Variants in RXFP1 observed in about 807,000 individuals in gnomAD.
RXFP1 encodes relaxin receptor 1.
Under a neutral mutation model 89.8 loss-of-function variants are expected in RXFP1, and 73 were observed. The ratio of observed to expected loss-of-function variants is 0.81; its 90% confidence interval spans 0.67 to 0.99. RXFP1 has a LOEUF of 0.99. Ranked by LOEUF, RXFP1 falls within the 50% of genes least tolerant of loss-of-function variation. The pLI is 0.00. For synonymous variants in RXFP1, 277 were observed against 305.5 expected, an observed-to-expected ratio of 0.91 and a Z score of 0.97; for missense variants, 793 against 895.5, an observed-to-expected ratio of 0.89 and a Z score of 1.46.
chr4:158,617,195 C>G lies in RXFP1; in HGVS notation c.745C>G (p.Leu249Val), dbSNP rs777826098. The G allele has an allele frequency of 6.2e-7, 1 of 1,606,670 alleles. No individual in the cohort carries two copies. Among genetic ancestry groups the G allele is most frequent in the South Asian group, 1.1e-5 (1 of 90,280 alleles). ...DKPLCQHMPRLHWLDLEGNHI... is the reference protein window; with the variant it reads ...DKPLCQHMPRVHWLDLEGNHI... ...ACCTCTCTGTCAACACATGCCAAGA[C>G]TACATTGGCTGTAAGCGATTCTGTC... The change falls in exon 9 of 18, where the codon CTA becomes GTA. Residue 249 changes from leucine (L) to valine (V), a missense_variant. Transcript: ENST00000307765.
In RXFP1 at chr4:158,646,876, G is replaced by A. The variant is rs544083459; in HGVS notation, c.1431G>A (p.Gln477=). ...GTGGAGAATACAATAAGCATGCGCA[G>A]CTGTGGATGGAGAGTACTCATTGTC... The part of the protein sequence containing the change: ...KFRGEYNKHA[Q]LWMESTHCQL... The change falls in exon 16 of 18, where the codon CAG becomes CAA. Residue 477 remains glutamine, a synonymous_variant. Transcript: ENST00000307765. 2.5e-6 allele frequency: 4 copies of A among 1,614,164 alleles called. No individual in the cohort carries two copies. The African/African-American group carries it at 5.3e-5, about 22-fold the overall frequency.
chr4:158,540,065 G>T (rs897464532), intron 1 of RXFP1, among the ~76,000 whole-genome samples: 3 of 152,132 alleles, frequency 2.0e-5, no homozygotes, highest in Admixed American at 6.5e-5. Context: ...CTGGCAGGGG[G>T]TAGTTACTGT....
intron 2 of RXFP1, among the ~76,000 whole-genome samples, chr4:158,583,538 G>A (rs1167603453): frequency 2.0e-5 from 3 of 152,078 alleles, no homozygotes; most frequent in Admixed American, 6.5e-5. Flanking sequence ...ATAAAACACA[G>A]GAGGAAAAGT....
chr4:158,535,763 G>A (rs1292972063), intron 1 of RXFP1, among the ~76,000 whole-genome samples: 1 of 152,228 alleles, frequency 6.6e-6, no homozygotes, highest in Non-Finnish European at 1.5e-5. Flanking sequence ...CCCTGACTGT[G>A]ATAGGACCGG....
At chr4:158,543,176 T>G (rs773128133) in intron 1 of RXFP1, among the ~76,000 whole-genome samples, 7 of 152,166 alleles carry the variant, frequency 4.6e-5, no homozygotes, top group Non-Finnish European at 7.4e-5. Flanking sequence ...GCGGCAGCTA[T>G]TCAGCCATGC....
chr4:158,537,081 C>G (rs1271288811), intron 1 of RXFP1, among the ~76,000 whole-genome samples: 1 of 151,418 alleles, frequency 6.6e-6, no homozygotes, highest in African/African-American at 2.4e-5. Context: ...TAAAAGAAAC[C>G]TAGCTAAACT....
chr4:158,579,788 G>A (rs1487772525), intron 2 of RXFP1, among the ~76,000 whole-genome samples: 7 of 152,184 alleles, frequency 4.6e-5, no homozygotes, highest in Non-Finnish European at 8.8e-5. Context: ...ACGCATAATT[G>A]TATGTGGTAT....
intron 1 of RXFP1, among the ~76,000 whole-genome samples, chr4:158,563,008 G>GA (rs1234688638): frequency 6.6e-6 from 1 of 152,132 alleles, no homozygotes; most frequent in Admixed American, 6.5e-5. Context: ...ATTTTTAGAA[G>GA]AAAAAACAGG....
In RXFP1 at chr4:158,617,146, C is replaced by G; in HGVS notation, c.696C>G (p.Asn232Lys). 6.2e-7 allele frequency: 1 copy of G among 1,607,098 alleles called. No homozygotes were observed. ...NSLILLVLMN[N>K]VLTRLPDKPL... is the part of the protein sequence containing the mutation. ...CCTTTTTCAGAGTCCTGATGAATAA[C>G]GTCCTCACCCGTTTACCTGATAAAC... Residue 232 changes from asparagine (N) to lysine (K), a missense_variant, in exon 9 of 18, where the codon AAC (asparagine) becomes AAG (lysine). Physicochemically the swap from Asn to Lys is moderately conservative, Grantham distance 94. Coordinates refer to ENST00000307765, the MANE Select transcript of RXFP1 (RefSeq NM_021634.4).
chr4:158,599,397 G>C lies in RXFP1; in HGVS notation c.358G>C (p.Ala120Pro), dbSNP rs983452915. 1.2e-6 allele frequency: 2 copies of C among 1,613,532 alleles called. No individual in the cohort carries two copies. Among genetic ancestry groups the C allele is most frequent in the African/African-American group, 2.7e-5 (2 of 74,900 alleles). ...TGACTGTGATGAAACCAATTTACGA[G>C]CTGTTCCATCGGTTTCTTCAAATGT... The part of the protein sequence containing the change: ...ELDCDETNLR[A>P]VPSVSSNVTA... The change falls in exon 4 of 18, where the codon GCT becomes CCT. Residue 120 changes from alanine (A) to proline (P), a missense_variant. Transcript: ENST00000307765.
intron 12 of RXFP1, 62 bp downstream of exon 12, chr4:158,633,538 A>G: frequency 9.4e-7 from 1 of 1,058,378 alleles, no homozygotes; most frequent in Non-Finnish European, 1.4e-6. Context: ...AAATTGTAAA[A>G]TATGCATAAC....
At chr4:158,643,766 C>T (rs1035577803) in intron 14 of RXFP1, among the ~76,000 whole-genome samples, 5 of 151,968 alleles carry the variant, frequency 3.3e-5, no homozygotes, top group South Asian at 2.1e-4. Context: ...CCACTGCTCC[C>T]AGCCCACATG....
chr4:158,572,550 G>T (rs80171324), intron 1 of RXFP1, 148 bp from the exon 2 acceptor site: 5 of 728,240 alleles, frequency 6.9e-6, no homozygotes, highest in East Asian at 2.5e-5. Flanking sequence ...AGAGGTGAAG[G>T]TTCCTAGAAA....
chr4:158,564,903 C>T (rs1412940720), intron 1 of RXFP1, among the ~76,000 whole-genome samples: 6 of 152,212 alleles, frequency 3.9e-5, no homozygotes, highest in Non-Finnish European at 8.8e-5. Flanking sequence ...TCCCTATAAA[C>T]ATCACTTACT....
rs372696183 is a variant in RXFP1 at position 158,593,452 on chromosome 4, A to G, written c.239A>G (p.Tyr80Cys). 6 of 1,612,300 alleles carry G rather than the reference A, an allele frequency of 3.7e-6. No individual in the cohort carries two copies. In the South Asian group the frequency reaches 6.6e-5, roughly 18 times the overall value. Residue 80 changes from tyrosine (Y) to cysteine (C), a missense_variant, in exon 3 of 18, where the codon TAC becomes TGC. Physicochemically the swap from Tyr to Cys is radical, Grantham distance 194 (BLOSUM62 -2). Coordinates refer to ENST00000307765, the MANE Select transcript of RXFP1 (RefSeq NM_021634.4). ...LQFDKYFASY[Y>C]KMTSQYPFEA... ...TTTGACAAATATTTTGCCAGTTACTACAAAATGACTTCCCAATATCCTTTT... is the reference window on the plus strand; with the variant it reads ...TTTGACAAATATTTTGCCAGTTACTGCAAAATGACTTCCCAATATCCTTTT...
intron 6 of RXFP1, among the ~76,000 whole-genome samples, chr4:158,608,642 T>G (rs1762986215): frequency 6.6e-6 from 1 of 152,186 alleles, no homozygotes; most frequent in Admixed American, 6.5e-5. Context: ...AAATTCACCA[T>G]TTAACTGTTT....
At chr4:158,600,388 G>T (rs1049902923) in intron 4 of RXFP1, among the ~76,000 whole-genome samples, 1 of 152,164 alleles carries the variant, frequency 6.6e-6, no homozygotes. Flanking sequence ...ATTTGTGGTG[G>T]CCAGGGAATA....
rs5741905 is a variant in RXFP1 at position 158,527,564 on chromosome 4, A to AAAAAAATATAT, written c.49+5540_49+5541insAAAAATATATA. On this transcript the variant is annotated intron_variant, in intron 1 of 17. Coordinates refer to ENST00000307765, the MANE Select transcript of RXFP1 (RefSeq NM_021634.4). ...ATCTCCCCCGCTCCAAAAAAAAAAA[A>AAAAAAATATAT]ATATATATATATATGTATATATATA... Among the ~76,000 whole-genome samples, 251 of 98,338 alleles carry AAAAAAATATAT rather than the reference A, an allele frequency of 2.6e-3. 2 individuals are homozygous for AAAAAAATATAT. The East Asian group carries it at 0.026, about 10-fold the overall frequency. The allele number at this position is 98,338 out of a possible 152,430, so 64.5% of individuals were successfully genotyped here. A position where few individuals can be genotyped will look rare whatever the true frequency, so the allele number is the denominator to read the frequency against.
intron 1 of RXFP1, among the ~76,000 whole-genome samples, chr4:158,568,007 A>G (rs1312279335): frequency 6.6e-6 from 1 of 152,206 alleles, no homozygotes; most frequent in Non-Finnish European, 1.5e-5. Flanking sequence ...TCTAAGGTAT[A>G]AAGCTTCACT....
Sources: gnomAD v4.1 joint callset for allele counts (sites outside exome capture counted in the v4.1 genomes callset) on GRCh38, gnomAD v4.1.1 for gene constraint, MANE v1.5 for transcripts, NCBI Gene and HGNC (gene_info 2026-07-23, HGNC 2026-07-21) for gene names.